The following CR1 variants were observed in gnomAD, a reference collection of about 807,000 sequenced individuals.
The protein encoded by CR1 is complement receptor type 1.
Under a neutral mutation model 187.3 loss-of-function variants are expected in CR1, and 116 were observed. The observed-to-expected ratio is 0.62, with a 90% confidence interval of 0.53 to 0.72. The LOEUF is 0.72. CR1 is among the 30% of genes least tolerant of loss of function. The pLI is 0.00. For synonymous variants in CR1, 576 were observed against 747.1 expected, an observed-to-expected ratio of 0.77 and a Z score of 3.73; for missense variants, 1,731 against 2,110.7, an observed-to-expected ratio of 0.82 and a Z score of 3.52.
chr1:207,631,967 T>G (rs1662658916), intron 46 of CR1, among the ~76,000 whole-genome samples: 2 of 152,088 alleles, frequency 1.3e-5, no homozygotes, highest in African/African-American at 4.8e-5. Context: ...AAATCCTAAA[T>G]TCAACAGAGG....
At chr1:207,585,502 T>A (rs1364967649) in intron 33 of CR1, among the ~76,000 whole-genome samples, 2 of 152,164 alleles carry the variant, frequency 1.3e-5, no homozygotes, top group Non-Finnish European at 2.9e-5. Flanking sequence ...AAGAGGCTAT[T>A]TCTTCCTAAG....
chr1:207,625,716 T>TG (rs772293556), intron 45 of CR1, among the ~76,000 whole-genome samples: 3 of 151,896 alleles, frequency 2.0e-5, no homozygotes, highest in African/African-American at 7.3e-5. Flanking sequence ...TGGTTGGGGA[T>TG]GGGGGTGTGG....
chr1:207,592,396 C>G (rs755566210), intron 35 of CR1, among the ~76,000 whole-genome samples: 3 of 152,100 alleles, frequency 2.0e-5, no homozygotes, highest in African/African-American at 4.8e-5. Flanking sequence ...ATTCAACAGC[C>G]CTTCATGCTA....
At position 207,611,719 on chromosome 1, in the gene CR1, T is replaced by A; in HGVS notation, c.6338T>A (p.Leu2113Gln). Residue 2113 changes from leucine (L) to glutamine (Q), a missense_variant, in exon 38 of 47, where the codon CTA becomes CAA. Transcript: ENST00000367049. ...PPEILHGEHT[L>Q]SHQDNFSPGQ... ...GAAATCCTGCATGGTGAGCATACCC[T>A]AAGCCATCAGGACAACTTTTCACCT... 1 of 1,613,970 alleles carries A rather than the reference T, an allele frequency of 6.2e-7. No homozygotes were observed. Among genetic ancestry groups the A allele is most frequent in the Non-Finnish European group, 8.5e-7 (1 of 1,179,880 alleles).
At chr1:207,564,981 A>AT (rs1412415106) in intron 23 of CR1, among the ~76,000 whole-genome samples, 10 of 150,228 alleles carry the variant, frequency 6.7e-5, no homozygotes, top group South Asian at 4.2e-4. Context: ...AAAAATCAGC[A>AT]TTTTTTTAAA....
chr1:207,511,641 A>G lies in CR1; in HGVS notation c.474A>G (p.Thr158=). 6.2e-7 allele frequency: 1 copy of G among 1,612,748 alleles called. No homozygotes were observed. The highest frequency in any genetic ancestry group is 2.2e-5 in the East Asian group (1 of 44,846). The change falls in exon 4 of 47, where the codon ACA becomes ACG. Residue 158 remains threonine (T), a synonymous_variant. Transcript: ENST00000367049. ...SGDTVIWDNE[T]PICDRIPCGL... ...ATACTGTCATTTGGGATAATGAAAC[A>G]CCTATTTGTGACAGTGAGTTGAAAT...
chr1:207,597,265 A>G (rs1571576585), intron 35 of CR1, among the ~76,000 whole-genome samples: 1 of 152,248 alleles, frequency 6.6e-6, no homozygotes. Flanking sequence ...ATCAGTTATA[A>G]TAGTAAATGT....
chr1:207,617,507 A>ATATATATATATATATATGTGTG (rs1332301171), intron 41 of CR1, among the ~76,000 whole-genome samples: 771 of 46,836 alleles, frequency 0.016, 34 homozygotes, highest in Non-Finnish European at 0.028. Context: ...ATATATATAT[A>ATATATATATATATATATGTGTG]TGTGTGTGTG....
chr1:207,524,130 T>C (rs1660091584), intron 5 of CR1, 121 bp downstream of exon 5: 1 of 1,583,686 alleles, frequency 6.3e-7, no homozygotes, highest in Non-Finnish European at 8.6e-7. Context: ...GCAAATTTTC[T>C]AGGTAGTGAA....
intron 2 of CR1, among the ~76,000 whole-genome samples, chr1:207,506,489 T>A (rs1243505923): frequency 6.6e-6 from 1 of 152,226 alleles, no homozygotes; most frequent in Non-Finnish European, 1.5e-5. Context: ...TACATTTTTC[T>A]GGGAGGCATA....
At position 207,526,919 on chromosome 1, in the gene CR1, C is replaced by G. The variant is rs763683641; in HGVS notation, c.1053C>G (p.Pro351=). 1.4e-6 allele frequency: 2 copies of G among 1,466,852 alleles called. No homozygotes were observed. Among genetic ancestry groups the G allele is most frequent in the Admixed American group, 2.1e-5 (1 of 46,926 alleles). 90.9% of individuals were successfully genotyped at this position (1,466,852 alleles called of 1,614,324 possible). Reference sequence around the variant, plus strand: ...AGGGAGACTGGAGCCCTGCAGCCCCCACATGTGAAGGTGACTAGACTCTTA... The same window carrying G: ...AGGGAGACTGGAGCCCTGCAGCCCCGACATGTGAAGGTGACTAGACTCTTA... ...TPQGDWSPAA[P]TCEVKSCDDF... Residue 351 remains proline (P), a synonymous_variant, in exon 6 of 47, where the codon CCC becomes CCG. Coordinates refer to ENST00000367049, the MANE Select transcript of CR1 (RefSeq NM_000651.6).
intron 1 of CR1, among the ~76,000 whole-genome samples, chr1:207,501,534 A>C (rs1659268898): frequency 6.6e-6 from 1 of 152,214 alleles, no homozygotes; most frequent in South Asian, 2.1e-4. Context: ...AGGAAACTAC[A>C]TCAAGCTTTC....
chr1:207,631,989 G>C (rs1412753064), intron 46 of CR1, among the ~76,000 whole-genome samples: 1 of 152,140 alleles, frequency 6.6e-6, no homozygotes, highest in Non-Finnish European at 1.5e-5. Flanking sequence ...CAGTGGAAGG[G>C]GCCCCAGGAA....
chr1:207,635,573 G>A (rs1662787546), intron 46 of CR1, among the ~76,000 whole-genome samples: 1 of 152,020 alleles, frequency 6.6e-6, no homozygotes, highest in African/African-American at 2.4e-5. Flanking sequence ...GCCCAGGGAT[G>A]AGCAGGAGAC....
chr1:207,626,019 C>A (rs1366716326), intron 45 of CR1, among the ~76,000 whole-genome samples: 4 of 152,136 alleles, frequency 2.6e-5, no homozygotes, highest in African/African-American at 9.7e-5. Flanking sequence ...AGGTCCTGAG[C>A]AAGGAGAGAG....
chr1:207,521,991 G>A (rs1660013216), intron 4 of CR1, among the ~76,000 whole-genome samples: 2 of 151,798 alleles, frequency 1.3e-5, no homozygotes, highest in Non-Finnish European at 2.9e-5. Context: ...ATAGTTTCTA[G>A]TTCTTACAAG....
chr1:207,573,223 G>A (rs113568455), intron 27 of CR1, among the ~76,000 whole-genome samples: 4 of 152,124 alleles, frequency 2.6e-5, no homozygotes, highest in East Asian at 1.9e-4. Flanking sequence ...CATTCTTCAT[G>A]GGAACAGCTA....
chr1:207,622,493 G>A (rs1033008541), intron 44 of CR1, among the ~76,000 whole-genome samples: 3 of 152,128 alleles, frequency 2.0e-5, no homozygotes, highest in East Asian at 1.9e-4. Flanking sequence ...CCCTTTTTAC[G>A]CATCTGGACA....
Position 207,623,076 on chromosome 1 carries a change from T to G in CR1, c.7352+8T>G. On this transcript the variant is annotated splice_region_variant and intron_variant, in intron 45 of 46. Transcript: ENST00000367049. ...TCTAAAGCACAGAAAAGGGTAAGTATAGCCATATTATCCCAAGAAATGTAA... is the reference window on the plus strand; with the variant it reads ...TCTAAAGCACAGAAAAGGGTAAGTAGAGCCATATTATCCCAAGAAATGTAA... 1 of 1,550,820 alleles carries G rather than the reference T, an allele frequency of 6.4e-7. No individual in the cohort carries two copies. The highest frequency in any genetic ancestry group is 1.2e-5 in the South Asian group (1 of 85,140).
Sources: allele counts gnomAD v4.1 joint callset (sites outside exome capture counted in the v4.1 genomes callset), GRCh38; gene constraint gnomAD v4.1.1; transcripts MANE v1.5; gene names NCBI Gene and HGNC (gene_info 2026-07-23, HGNC 2026-07-21).